Variants in YEATS2 observed in about 807,000 individuals in gnomAD.
YEATS2 encodes the protein YEATS domain containing 2.
YEATS2 carries 77 observed loss-of-function variants against 163.2 expected under a neutral mutation model. The ratio of observed to expected loss-of-function variants is 0.47; its 90% CI spans 0.39 to 0.57. The LOEUF is 0.57. YEATS2 is among the 20% of genes least tolerant of loss of function. The probability of loss-of-function intolerance (pLI) is 0.00; values close to 1 mark genes in which losing one functional copy is unlikely to be tolerated. For synonymous variants in YEATS2, 631 were observed against 645.1 expected, an observed-to-expected ratio of 0.98 and a Z score of 0.33; for missense variants, 1,549 against 1,729.8, an observed-to-expected ratio of 0.90 and a Z score of 1.85.
At chr3:183,735,130 A>G (rs1247613231) in intron 7 of YEATS2, among the ~76,000 whole-genome samples, 1 of 152,208 alleles carries the variant, frequency 6.6e-6, no homozygotes, top group Admixed American at 6.5e-5. Context: ...AGGTTAGGCC[A>G]TGTACATAAA....
At chr3:183,803,563 T>G in intron 26 of YEATS2, 1 of 582,842 alleles carries the variant, frequency 1.7e-6, no homozygotes, top group Non-Finnish European at 3.0e-6. Context: ...TTTCTGAGTT[T>G]CAGAGTTTTA....
chr3:183,770,802 AGTCT>A (rs1174933358), intron 15 of YEATS2, among the ~76,000 whole-genome samples: 2 of 152,170 alleles, frequency 1.3e-5, no homozygotes, highest in African/African-American at 4.8e-5. Context: ...TTATTTTTCC[AGTCT>A]GTTTACACTA....
chr3:183,750,703 G>A (rs1027416073), intron 9 of YEATS2, among the ~76,000 whole-genome samples: 17 of 152,160 alleles, frequency 1.1e-4, no homozygotes, highest in African/African-American at 3.9e-4. Flanking sequence ...CCCTTCATGT[G>A]TTTGGTGACC....
intron 7 of YEATS2, among the ~76,000 whole-genome samples, chr3:183,733,903 A>G (rs1718070874): frequency 6.6e-6 from 1 of 151,964 alleles, no homozygotes; most frequent in East Asian, 1.9e-4. Context: ...TCAGGGCGTG[A>G]TAAAGGGACT....
intron 20 of YEATS2, among the ~76,000 whole-genome samples, chr3:183,789,785 C>T (rs1219296353): frequency 2.6e-5 from 4 of 151,854 alleles, no homozygotes; most frequent in African/African-American, 9.7e-5. Context: ...GTGATCCACC[C>T]GCTTTGGCCT....
intron 1 of YEATS2, among the ~76,000 whole-genome samples, chr3:183,708,286 C>T (rs1478485707): frequency 3.3e-5 from 5 of 151,594 alleles, no homozygotes; most frequent in Non-Finnish European, 2.9e-5. Context: ...CTCAGCCTCC[C>T]GAGTAGCTGG....
At chr3:183,736,937 C>A in intron 8 of YEATS2, 108 bp downstream of exon 8, 2 of 963,386 alleles carry the variant, frequency 2.1e-6, no homozygotes, top group Non-Finnish European at 3.1e-6. Flanking sequence ...AAAAAATTCA[C>A]ATACAACTTT....
At chr3:183,751,968 A>T in intron 9 of YEATS2, 105 bp from the exon 10 acceptor site, 1 of 1,269,212 alleles carries the variant, frequency 7.9e-7, no homozygotes, top group Non-Finnish European at 1.1e-6. Context: ...AAGTGTGATT[A>T]GAAGTTATCT....
At chr3:183,765,653 A>C (rs1319641211) in intron 15 of YEATS2, among the ~76,000 whole-genome samples, 2 of 152,204 alleles carry the variant, frequency 1.3e-5, no homozygotes, top group Non-Finnish European at 2.9e-5. Context: ...CCTAGAAACT[A>C]TGCCAGAGAA....
At chr3:183,804,339 G>A in intron 27 of YEATS2, 151 bp downstream of exon 27, 1 of 894,930 alleles carries the variant, frequency 1.1e-6, no homozygotes, top group Non-Finnish European at 1.7e-6. Context: ...CAGTCCCCAT[G>A]TTGCTGTTTG....
chr3:183,796,996 C>T (rs549983376), intron 21 of YEATS2, among the ~76,000 whole-genome samples: 217 of 152,180 alleles, frequency 1.4e-3, no homozygotes, highest in African/African-American at 4.9e-3. Context: ...TGGCCAGGCG[C>T]GGTAGCTCAC....
At chr3:183,772,764 CACACACACACACACCCACAT>C (rs1018309124) in intron 16 of YEATS2, among the ~76,000 whole-genome samples, 1 of 151,280 alleles carries the variant, frequency 6.6e-6, no homozygotes, top group African/African-American at 2.4e-5. Context: ...AATTTACACA[CACACACACACACACCCACAT>C]ACACACACAC....
chr3:183,794,035 G>T (rs1724917133), intron 21 of YEATS2, among the ~76,000 whole-genome samples: 1 of 152,226 alleles, frequency 6.6e-6, no homozygotes, highest in Non-Finnish European at 1.5e-5. Context: ...AGCTGCGTGA[G>T]CAACGGAGAG....
At chr3:183,726,152 G>T (rs1717075858) in intron 6 of YEATS2, among the ~76,000 whole-genome samples, 1 of 151,796 alleles carries the variant, frequency 6.6e-6, no homozygotes, top group Non-Finnish European at 1.5e-5. Context: ...CTGCGTTAGT[G>T]TGTCTGTCAG....
intron 1 of YEATS2, among the ~76,000 whole-genome samples, chr3:183,713,165 G>C (rs1715453901): frequency 6.6e-6 from 1 of 152,156 alleles, no homozygotes; most frequent in African/African-American, 2.4e-5. Flanking sequence ...TCTAATTGCT[G>C]ATTTATTTAT....
chr3:183,762,118 G>A lies in YEATS2; in HGVS notation c.1786G>A (p.Gly596Ser), dbSNP rs772726734. ...CAAGGTGATCATCAAACAGGAACCT[G>A]GTGAAGCCCCTCACGTGCCCGCAAC... ...FTKVIIKQEP[G>S]EAPHVPATGA... Residue 596 changes from glycine (G) to serine (S), a missense_variant, in exon 15 of 31, where the codon GGT (glycine) becomes AGT (serine). By Grantham distance (56) the Gly-to-Ser change is moderately conservative. Transcript: ENST00000305135. The A allele has an allele frequency of 1.2e-6, 2 of 1,614,096 alleles. No homozygotes were observed. The highest frequency in any genetic ancestry group is 3.3e-5 in the Admixed American group (2 of 59,994).
intron 10 of YEATS2, among the ~76,000 whole-genome samples, chr3:183,752,822 G>C (rs1206178592): frequency 6.6e-6 from 1 of 151,048 alleles, no homozygotes; most frequent in Non-Finnish European, 1.5e-5. Context: ...TTTTGAGATG[G>C]AGTCTTGCTC....
At chr3:183,726,638 C>T (rs1344051530) in intron 6 of YEATS2, among the ~76,000 whole-genome samples, 2 of 152,284 alleles carry the variant, frequency 1.3e-5, no homozygotes, top group African/African-American at 2.4e-5. Context: ...CTAATTTTCT[C>T]ATGAAGTTTT....
chr3:183,761,430 G>A (rs1237593996), intron 13 of YEATS2, 77 bp from the exon 14 acceptor site: 2 of 1,293,432 alleles, frequency 1.5e-6, no homozygotes, highest in African/African-American at 1.5e-5. Context: ...TCACAGGTTT[G>A]TATTAAATAT....
Sources: gnomAD v4.1 joint callset for allele counts (sites outside exome capture counted in the v4.1 genomes callset) on GRCh38, gnomAD v4.1.1 for gene constraint, MANE v1.5 for transcripts, NCBI Gene and HGNC (gene_info 2026-07-23, HGNC 2026-07-21) for gene names.